MAPK10: variants seen among roughly 807,000 people sequenced by gnomAD.
The protein encoded by MAPK10 is JNK3 alpha protein kinase.
Under a neutral mutation model 59.3 loss-of-function variants are expected in MAPK10, and 25 were observed. The observed-to-expected ratio is 0.42, with a 90% CI of 0.31 to 0.59. The LOEUF is 0.59. Ranked by LOEUF, MAPK10 falls within the 20% of genes least tolerant of loss-of-function variation. The pLI is 0.15. For missense variants in MAPK10, 351 were observed against 568.9 expected, an observed-to-expected ratio of 0.62 and a Z score of 3.90; for synonymous variants, 190 against 200.5, an observed-to-expected ratio of 0.95 and a Z score of 0.44.
intron 2 of MAPK10, among the ~76,000 whole-genome samples, chr4:86,320,396 A>G (rs1578198408): frequency 6.6e-6 from 1 of 152,226 alleles, no homozygotes; most frequent in Non-Finnish European, 1.5e-5. Context: ...CAGTTTCAGC[A>G]GTGAGGCTTA....
intron 1 of MAPK10, among the ~76,000 whole-genome samples, chr4:86,590,750 C>T (rs1762983238): frequency 6.6e-6 from 1 of 152,060 alleles, no homozygotes; most frequent in South Asian, 2.1e-4. Flanking sequence ...CACACTACTA[C>T]ACTCCAGCCT....
chr4:86,498,509 G>A (rs1755064005), intron 1 of MAPK10, among the ~76,000 whole-genome samples: 1 of 152,132 alleles, frequency 6.6e-6, no homozygotes, highest in Non-Finnish European at 1.5e-5. Context: ...TTTTAGATAA[G>A]AAGAAAGTGG....
At chr4:86,299,579 T>G (rs1399115374) in intron 2 of MAPK10, among the ~76,000 whole-genome samples, 1 of 152,150 alleles carries the variant, frequency 6.6e-6, no homozygotes, top group African/African-American at 2.4e-5. Context: ...AGAAATAAAT[T>G]TCTGTTATGT....
chr4:86,138,906 AAAT>A (rs1412683072), intron 4 of MAPK10, among the ~76,000 whole-genome samples: 3 of 151,850 alleles, frequency 2.0e-5, no homozygotes, highest in Non-Finnish European at 1.5e-5. Context: ...ACAAACAGCC[AAAT>A]AATGAGTGAA....
intron 9 of MAPK10, among the ~76,000 whole-genome samples, chr4:86,068,984 T>C (rs2047256244): frequency 1.3e-5 from 2 of 152,142 alleles, no homozygotes; most frequent in African/African-American, 4.8e-5. Context: ...CTCTCCTACA[T>C]TGCTTATTCT....
At chr4:86,359,288 C>CTCTGTGTGTGTGTG (rs796310826) in intron 1 of MAPK10, among the ~76,000 whole-genome samples, 30 of 94,630 alleles carry the variant, frequency 3.2e-4, no homozygotes, top group African/African-American at 1.5e-3. Flanking sequence ...CTCTCTCTCT[C>CTCTGTGTGTGTGTG]TGTGTGTGTG....
chr4:86,308,221 T>C (rs906674116), intron 2 of MAPK10, among the ~76,000 whole-genome samples: 1 of 152,158 alleles, frequency 6.6e-6, no homozygotes, highest in Admixed American at 6.5e-5. Flanking sequence ...GAGTAGGTGC[T>C]GAGACTCCTC....
At chr4:86,376,350 G>A (rs903177422) in intron 1 of MAPK10, among the ~76,000 whole-genome samples, 2 of 152,222 alleles carry the variant, frequency 1.3e-5, no homozygotes, top group Non-Finnish European at 2.9e-5. Flanking sequence ...TTAATAGATG[G>A]AAATGTACAC....
chr4:86,297,524 G>C (rs546501451), intron 2 of MAPK10, among the ~76,000 whole-genome samples: 1 of 152,120 alleles, frequency 6.6e-6, no homozygotes, highest in Non-Finnish European at 1.5e-5. Flanking sequence ...TGTTGGCCAG[G>C]CTGGTCTCGA....
At chr4:86,044,367 G>T (rs2042128891) in intron 11 of MAPK10, among the ~76,000 whole-genome samples, 1 of 152,072 alleles carries the variant, frequency 6.6e-6, no homozygotes, top group African/African-American at 2.4e-5. Context: ...TAATTGTTCT[G>T]GGGTGAGGCC....
At chr4:86,499,959 G>A (rs962288783) in intron 1 of MAPK10, among the ~76,000 whole-genome samples, 1 of 152,156 alleles carries the variant, frequency 6.6e-6, no homozygotes, top group African/African-American at 2.4e-5. Flanking sequence ...TATGGATGGC[G>A]AAGAAAACTA....
intron 2 of MAPK10, among the ~76,000 whole-genome samples, chr4:86,288,727 A>G (rs184523429): frequency 9.7e-4 from 147 of 152,286 alleles, no homozygotes; most frequent in African/African-American, 3.2e-3. Flanking sequence ...TCTCCTCCAG[A>G]GGCTCATAGT....
At chr4:86,272,979 A>T (rs1485673576) in intron 2 of MAPK10, among the ~76,000 whole-genome samples, 1 of 152,148 alleles carries the variant, frequency 6.6e-6, no homozygotes, top group African/African-American at 2.4e-5. Context: ...TGGCAAGTCT[A>T]TGGCACGGAT....
At chr4:86,224,919 CTTAT>C (rs2090345109) in intron 2 of MAPK10, among the ~76,000 whole-genome samples, 1 of 152,096 alleles carries the variant, frequency 6.6e-6, no homozygotes, top group African/African-American at 2.4e-5. Flanking sequence ...AAAATTAAAT[CTTAT>C]TTATTTTGCA....
chr4:86,237,405 G>T (rs1356629341), intron 2 of MAPK10, among the ~76,000 whole-genome samples: 2 of 152,038 alleles, frequency 1.3e-5, no homozygotes, highest in East Asian at 3.9e-4. Flanking sequence ...GGTATTTCTG[G>T]TTCTAGATCC....
chr4:86,566,605 C>T (rs1352294741), intron 1 of MAPK10, among the ~76,000 whole-genome samples: 1 of 151,776 alleles, frequency 6.6e-6, no homozygotes, highest in Non-Finnish European at 1.5e-5. Flanking sequence ...TTCCCAGCTG[C>T]TCGGGAGGCT....
At chr4:86,026,130 G>C (rs1750069036) in intron 13 of MAPK10, among the ~76,000 whole-genome samples, 1 of 152,162 alleles carries the variant, frequency 6.6e-6, no homozygotes, top group Non-Finnish European at 1.5e-5. Flanking sequence ...TTGATTTAGA[G>C]ATTTTGAAAA....
chr4:86,418,151 C>T (rs950664030), intron 1 of MAPK10, among the ~76,000 whole-genome samples: 2 of 152,106 alleles, frequency 1.3e-5, no homozygotes, highest in Non-Finnish European at 1.5e-5. Context: ...ATTACTAGTA[C>T]GAACATTAAA....
intron 3 of MAPK10, among the ~76,000 whole-genome samples, chr4:86,189,505 T>C (rs1245124155): frequency 6.6e-6 from 1 of 152,150 alleles, no homozygotes; most frequent in African/African-American, 2.4e-5. Context: ...ATTCTCTTTG[T>C]AGCAGTTGTG....
Sources: gnomAD v4.1 joint callset for allele counts (sites outside exome capture counted in the v4.1 genomes callset) on GRCh38, gnomAD v4.1.1 for gene constraint, MANE v1.5 for transcripts, NCBI Gene and HGNC (gene_info 2026-07-23, HGNC 2026-07-21) for gene names.